The following DIXDC1 variants were observed in gnomAD, a reference collection of about 807,000 sequenced individuals.
DIXDC1 encodes the protein dixin.
In DIXDC1, 64 loss-of-function variants were observed where a neutral mutation model predicts 103.1. The ratio of observed to expected loss-of-function variants is 0.62; its 90% confidence interval spans 0.51 to 0.76. The LOEUF (loss-of-function observed/expected upper bound fraction) is 0.76. Among genes scored for constraint, DIXDC1 ranks in the 30% least tolerant of loss-of-function variants. The probability of loss-of-function intolerance (pLI) is 0.00; values close to 1 mark genes in which losing one functional copy is unlikely to be tolerated. For synonymous variants in DIXDC1, 266 were observed against 298.5 expected (o/e 0.89, Z 1.12); for missense variants, 759 against 834.2 (o/e 0.91, Z 1.11).
chr11:111,950,410 GTATATA>G (rs1555169787), intron 1 of DIXDC1, among the ~76,000 whole-genome samples: 258 of 25,020 alleles, frequency 0.01, 6 homozygotes, highest in East Asian at 0.015. Context: ...TACAAAGTAG[GTATATA>G]TATATATATA....
At chr11:111,930,876 G>A (rs1221739193) in intron 2 of DIXDC1, among the ~76,000 whole-genome samples, 2 of 114,198 alleles carry the variant, frequency 1.8e-5, no homozygotes, top group South Asian at 3.0e-4. Context: ...TTTTTGAGAT[G>A]GAGTTTCATT....
chr11:111,989,814 A>T (rs1860636127), intron 10 of DIXDC1, among the ~76,000 whole-genome samples: 1 of 148,162 alleles, frequency 6.7e-6, no homozygotes, highest in African/African-American at 2.5e-5. Flanking sequence ...TTTGAAACGG[A>T]GTCTCGCTCT....
At chr11:112,005,015 C>T (rs142732810) in intron 17 of DIXDC1, among the ~76,000 whole-genome samples, 54 of 152,244 alleles carry the variant, frequency 3.5e-4, no homozygotes, top group Middle Eastern at 6.8e-3. Context: ...CTGTGAAGAG[C>T]GAAAGCAGTC....
chr11:111,932,206 T>G (rs1322183401), intron 2 of DIXDC1, among the ~76,000 whole-genome samples: 2 of 150,426 alleles, frequency 1.3e-5, no homozygotes, highest in Admixed American at 6.6e-5. Flanking sequence ...AATTTTTTTA[T>G]TTTTTATTTT....
intron 1 of DIXDC1, among the ~76,000 whole-genome samples, chr11:111,951,727 C>T (rs968418414): frequency 8.5e-5 from 13 of 152,108 alleles, no homozygotes; most frequent in Non-Finnish European, 1.2e-4. Flanking sequence ...TATCTGATGG[C>T]TTATGAGGCA....
At chr11:111,948,715 G>A (rs1377732947) in intron 1 of DIXDC1, among the ~76,000 whole-genome samples, 4 of 149,934 alleles carry the variant, frequency 2.7e-5, no homozygotes, top group Non-Finnish European at 5.9e-5. Context: ...CATTCTCCCC[G>A]TCCCTTTCAC....
intron 11 of DIXDC1, 102 bp from the exon 12 acceptor site, chr11:111,992,849 G>A: frequency 1.7e-6 from 2 of 1,171,134 alleles, no homozygotes; most frequent in East Asian, 2.5e-5. Flanking sequence ...TCTCTGTGCT[G>A]CATACTGTAA....
upstream of DIXDC1, chr11:111,937,082 A>AGT (rs370219412): frequency 2.5e-4 from 70 of 278,018 alleles, no homozygotes; most frequent in South Asian, 2.0e-3. Context: ...AAGCCGTGTG[A>AGT]GTGTGTGTGT....
intron 2 of DIXDC1, among the ~76,000 whole-genome samples, chr11:111,966,975 G>T (rs587663899): frequency 6.6e-6 from 1 of 152,090 alleles, no homozygotes; most frequent in African/African-American, 2.4e-5. Context: ...AGTTGATAAC[G>T]CCCTTCTCTT....
At chr11:111,938,859 G>A (rs1305669420) in intron 1 of DIXDC1, among the ~76,000 whole-genome samples, 2 of 152,200 alleles carry the variant, frequency 1.3e-5, no homozygotes, top group East Asian at 1.9e-4. Flanking sequence ...ACTGAAGGGC[G>A]GAGCTTGCAT....
chr11:111,951,250 T>C (rs1239769781), intron 1 of DIXDC1, among the ~76,000 whole-genome samples: 1 of 152,146 alleles, frequency 6.6e-6, no homozygotes, highest in African/African-American at 2.4e-5. Context: ...TATAGAAGAA[T>C]TAGAGAACCC....
chr11:111,961,614 G>A (rs587607191), intron 1 of DIXDC1, among the ~76,000 whole-genome samples: 1 of 152,310 alleles, frequency 6.6e-6, no homozygotes, highest in Non-Finnish European at 1.5e-5. Flanking sequence ...TGCATGAAAA[G>A]TACTCAACAG....
At chr11:111,942,984 G>A (rs782215914) in intron 1 of DIXDC1, among the ~76,000 whole-genome samples, 6 of 152,164 alleles carry the variant, frequency 3.9e-5, no homozygotes, top group African/African-American at 2.4e-5. Flanking sequence ...CTTGGCAGTC[G>A]TTCCAATAAG....
chr11:111,944,675 T>C (rs1201837115), intron 1 of DIXDC1, among the ~76,000 whole-genome samples: 1 of 152,218 alleles, frequency 6.6e-6, no homozygotes, highest in Non-Finnish European at 1.5e-5. Flanking sequence ...GATTATGGGA[T>C]TGCTAAAGCC....
Position 112,019,339 on chromosome 11 carries a change from C to T in DIXDC1, c.*303C>T, listed in dbSNP as rs1035491437. The T allele has an allele frequency of 2.0e-5, 4 of 203,574 alleles. No homozygotes were observed. The highest frequency in any genetic ancestry group is 4.0e-5 in the Non-Finnish European group (4 of 100,128). The allele number at this position is 203,574 out of a possible 1,614,324, so 12.6% of individuals were successfully genotyped here. ...CTTAAACGATGGGGATGGATGATCC[C>T]GCCTCTGTAGGGGCATGGCTGCTAT... On this transcript the variant is annotated 3_prime_UTR_variant, in exon 20 of 20. Transcript: ENST00000440460.
chr11:111,948,279 G>A (rs781785186), intron 1 of DIXDC1, among the ~76,000 whole-genome samples: 5 of 152,240 alleles, frequency 3.3e-5, no homozygotes, highest in East Asian at 1.9e-4. Context: ...CAGTTTTCAC[G>A]GTCCTACATT....
chr11:111,929,181 C>T (rs1184959450), intron 1 of DIXDC1, among the ~76,000 whole-genome samples: 1 of 151,510 alleles, frequency 6.6e-6, no homozygotes, highest in African/African-American at 2.4e-5. Flanking sequence ...TCTGTCCCCC[C>T]AACAAAAAAA....
chr11:111,937,062 G>A, upstream of DIXDC1: 2 of 214,774 alleles, frequency 9.3e-6, no homozygotes, highest in Non-Finnish European at 1.5e-5. Flanking sequence ...ACAGCAGCAC[G>A]TTTGCCTAAA....
At chr11:111,944,382 C>A (rs371890134) in intron 1 of DIXDC1, among the ~76,000 whole-genome samples, 56 of 152,312 alleles carry the variant, frequency 3.7e-4, no homozygotes, top group African/African-American at 1.3e-3. Flanking sequence ...CCTGGTGAAG[C>A]CCCATTGGTG....
Sources: gnomAD v4.1 joint callset for allele counts (sites outside exome capture counted in the v4.1 genomes callset) on GRCh38, gnomAD v4.1.1 for gene constraint, MANE v1.5 for transcripts, NCBI Gene and HGNC (gene_info 2026-07-23, HGNC 2026-07-21) for gene names.